PRPF18: variants seen among roughly 807,000 people sequenced by gnomAD.
PRPF18 encodes pre-mRNA processing factor 18, also known as pre-mRNA-splicing factor 18.
PRPF18 carries 38 observed loss-of-function variants against 46.5 expected under a neutral mutation model. The ratio of observed to expected loss-of-function variants is 0.82; its 90% confidence interval spans 0.63 to 1.07. PRPF18 has a LOEUF of 1.07. Ranked by LOEUF, PRPF18 falls within the 50% of genes least tolerant of loss-of-function variation. PRPF18 has a pLI of 0.00. For missense variants in PRPF18, 263 were observed against 410.0 expected, an observed-to-expected ratio of 0.64 and a Z score of 3.10; for synonymous variants, 152 against 146.7, an observed-to-expected ratio of 1.04 and a Z score of -0.26.
At chr10:13,624,390 C>T (rs931201788) in intron 9 of PRPF18, among the ~76,000 whole-genome samples, 1 of 152,178 alleles carries the variant, frequency 6.6e-6, no homozygotes, top group Non-Finnish European at 1.5e-5. Flanking sequence ...CCAAACAGTT[C>T]CCACTGTAGA....
At position 13,610,020 on chromosome 10, in the gene PRPF18, C is replaced by A. The variant is rs1564456604; in HGVS notation, c.364-19C>A. ...CTTCCTTTCATAACAGGTGTTCTTC[C>A]TTTTTTTGCTTTTCTTAGGGATTGA... On this transcript the variant is annotated intron_variant, in intron 4 of 9. Coordinates refer to ENST00000378572, the MANE Select transcript of PRPF18 (RefSeq NM_003675.4). 4.4e-6 allele frequency: 7 copies of A among 1,573,390 alleles called. No homozygotes were observed. In the South Asian group the frequency reaches 8.0e-5, roughly 18 times the overall value.
intron 9 of PRPF18, among the ~76,000 whole-genome samples, chr10:13,622,396 T>A (rs1164825735): frequency 6.6e-6 from 1 of 152,336 alleles, no homozygotes; most frequent in African/African-American, 2.4e-5. Context: ...GTAAAGGGCA[T>A]TTTACTGTAG....
At chr10:13,594,937 CATTTT>C (rs1388011212) in intron 1 of PRPF18, among the ~76,000 whole-genome samples, 2 of 152,282 alleles carry the variant, frequency 1.3e-5, no homozygotes, top group East Asian at 3.9e-4. Flanking sequence ...GTGCTTTATA[CATTTT>C]ATTTTTTCAT....
At chr10:13,632,658 C>G (rs953407347), downstream of PRPF18, 4 of 152,154 alleles carry the variant, frequency 2.6e-5, no homozygotes, top group African/African-American at 9.7e-5. Context: ...GAACCTGTTC[C>G]ACAGGGCTGT....
At chr10:13,624,305 C>G (rs140585893) in intron 9 of PRPF18, among the ~76,000 whole-genome samples, 1 of 152,210 alleles carries the variant, frequency 6.6e-6, no homozygotes, top group African/African-American at 2.4e-5. Context: ...AAATGCAGAA[C>G]ATTTTCCTCT....
At chr10:13,601,056 C>T (rs2080101054) in intron 3 of PRPF18, among the ~76,000 whole-genome samples, 1 of 152,168 alleles carries the variant, frequency 6.6e-6, no homozygotes, top group South Asian at 2.1e-4. Flanking sequence ...GCTGGGATTA[C>T]AGGTGTGAGC....
chr10:13,605,783 C>T (rs2080174976), intron 4 of PRPF18, 39 bp downstream of exon 4: 2 of 1,566,168 alleles, frequency 1.3e-6, no homozygotes, highest in Non-Finnish European at 1.7e-6. Context: ...TACCACTGTA[C>T]TGCATTCACT....
chr10:13,610,742 G>C (rs1240242091), intron 5 of PRPF18, among the ~76,000 whole-genome samples: 1 of 152,144 alleles, frequency 6.6e-6, no homozygotes, highest in Non-Finnish European at 1.5e-5. Flanking sequence ...CGATGGCCTA[G>C]CAAAGTGGGA....
the PRPF18 span, chr10:13,643,905 ACAGT>A: frequency 1.9e-4 from 29 of 152,632 alleles, no homozygotes; most frequent in Admixed American, 5.9e-4. Flanking sequence ...TACATGCTCT[ACAGT>A]CAGTTTCAGG....
chr10:13,652,434 T>C, the PRPF18 span: 8 of 168,586 alleles, frequency 4.7e-5, no homozygotes, highest in Non-Finnish European at 5.1e-5. Context: ...TTCAGAAAAG[T>C]TGGAAGATCT....
At chr10:13,652,295 T>C in the PRPF18 span, 2 of 381,410 alleles carry the variant, frequency 5.2e-6, no homozygotes. Flanking sequence ...TTGTAGGTGG[T>C]GAAATAGGCA....
intron 9 of PRPF18, among the ~76,000 whole-genome samples, chr10:13,628,079 T>G (rs1357268180): frequency 6.6e-6 from 1 of 152,202 alleles, no homozygotes; most frequent in African/African-American, 2.4e-5. Flanking sequence ...CTGGACTATG[T>G]GATGGAATGG....
At chr10:13,626,932 A>G (rs2080516418) in intron 9 of PRPF18, among the ~76,000 whole-genome samples, 1 of 152,030 alleles carries the variant, frequency 6.6e-6, no homozygotes, top group Non-Finnish European at 1.5e-5. Context: ...GTATGTCTGG[A>G]GCCCGATCCC....
At chr10:13,607,474 A>G (rs534047688) in intron 4 of PRPF18, among the ~76,000 whole-genome samples, 134 of 152,180 alleles carry the variant, frequency 8.8e-4, no homozygotes, top group Admixed American at 4.8e-3. Flanking sequence ...GGAGTTCAGC[A>G]TGATCATGGC....
intron 9 of PRPF18, among the ~76,000 whole-genome samples, chr10:13,622,811 C>T (rs566031064): frequency 6.6e-6 from 1 of 152,262 alleles, no homozygotes; most frequent in African/African-American, 2.4e-5. Context: ...CCTTATCTGC[C>T]GTCATCCCAA....
At chr10:13,613,615 G>A (rs150820470) in intron 6 of PRPF18, 126 bp from the exon 7 acceptor site, 5 of 1,038,220 alleles carry the variant, frequency 4.8e-6, no homozygotes, top group Non-Finnish European at 5.6e-6. Flanking sequence ...ATATTATTTG[G>A]TGGCATTTTA....
In PRPF18 at chr10:13,591,795, A is replaced by G; in HGVS notation, c.66+4643A>G. 2.8e-6 allele frequency: 4 copies of G among 1,442,514 alleles called. No homozygotes were observed. In the South Asian group the frequency reaches 4.5e-5, roughly 16 times the overall value. The allele number at this position is 1,442,514 out of a possible 1,614,324, so 89.4% of individuals were successfully genotyped here. A position where few individuals can be genotyped will look rare whatever the true frequency, so the allele number is the denominator to read the frequency against. ...GAACTCGATTGAGGACCAGAGGTCC[A>G]GTCACAAGTAACAAGCCACTAGCCA... On this transcript the variant is annotated intron_variant, in intron 1 of 9. Coordinates refer to ENST00000378572, the MANE Select transcript of PRPF18 (RefSeq NM_003675.4).
chr10:13,605,829 A>G, intron 4 of PRPF18, 85 bp downstream of exon 4: 2 of 1,434,358 alleles, frequency 1.4e-6, no homozygotes, highest in East Asian at 5.0e-5. Context: ...ATTGTAGGCA[A>G]CAATGGAAAA....
chr10:13,641,399 G>A, the PRPF18 span: 2 of 152,256 alleles, frequency 1.3e-5, no homozygotes, highest in African/African-American at 4.8e-5. Flanking sequence ...TCCACGTGGG[G>A]ATATTGGGTA....
Sources: allele counts gnomAD v4.1 joint callset (sites outside exome capture counted in the v4.1 genomes callset), GRCh38; gene constraint gnomAD v4.1.1; transcripts MANE v1.5; gene names NCBI Gene and HGNC (gene_info 2026-07-23, HGNC 2026-07-21).